Variants in NR3C1 observed in about 807,000 individuals in gnomAD.
The protein encoded by NR3C1 is glucocorticoid receptor.
NR3C1 carries 14 observed loss-of-function variants against 74.0 expected under a neutral mutation model. That is an observed-to-expected ratio of 0.19 (90% CI 0.12 to 0.30). The LOEUF is 0.30. Ranked by LOEUF, NR3C1 falls within the 10% of genes least tolerant of loss-of-function variation. NR3C1 has a pLI of 1.00. For missense variants in NR3C1, 695 were observed against 909.8 expected, an observed-to-expected ratio of 0.76 and a Z score of 3.04; for synonymous variants, 308 against 332.5, an observed-to-expected ratio of 0.93 and a Z score of 0.80.
chr5:143,311,886 C>T (rs1206175892), intron 3 of NR3C1, among the ~76,000 whole-genome samples: 1 of 151,096 alleles, frequency 6.6e-6, no homozygotes. Flanking sequence ...CCATCTTGGC[C>T]TCCCAAATTG....
upstream of NR3C1, chr5:143,404,506 C>G (rs1258265188): frequency 1.0e-5 from 10 of 978,508 alleles, no homozygotes; most frequent in East Asian, 4.6e-4. Flanking sequence ...CACCCTCCCC[C>G]GCGCCCCGAC....
chr5:143,435,141 G>A, exon 1 of NR3C1: 3 of 985,356 alleles, frequency 3.0e-6, no homozygotes, highest in Middle Eastern at 5.2e-4. Flanking sequence ...ATGAATGCGT[G>A]CATATTCACA....
At chr5:143,371,152 T>C (rs982895914) in intron 2 of NR3C1, among the ~76,000 whole-genome samples, 1 of 152,218 alleles carries the variant, frequency 6.6e-6, no homozygotes, top group African/African-American at 2.4e-5. Flanking sequence ...AAAAATAAAA[T>C]GTTTGCTTTT....
At chr5:143,416,053 A>G (rs1841464804) in intron 1 of NR3C1, among the ~76,000 whole-genome samples, 2 of 152,206 alleles carry the variant, frequency 1.3e-5, no homozygotes, top group South Asian at 4.1e-4. Context: ...ATGAACTGGG[A>G]AGGGATTATT....
Position 143,280,018 on chromosome 5 carries a change from A to C in NR3C1, c.*1871T>G, listed in dbSNP as rs1812862435. The C allele has an allele frequency of 6.6e-6, 1 of 152,550 alleles. No homozygotes were observed. Among genetic ancestry groups the C allele is most frequent in the African/African-American group, 2.4e-5 (1 of 41,442 alleles). The allele number at this position is 152,550 out of a possible 1,614,324, so 9.4% of individuals were successfully genotyped here. A position where few individuals can be genotyped will look rare whatever the true frequency, so the allele number is the denominator to read the frequency against. ...GGAGGCAGAGGATAACTTCCTCTGT[A>C]ATCTCACTGGGTCAGAGCCTCAGCA... is the stretch of plus-strand genomic sequence containing the variant. On this transcript the variant is annotated 3_prime_UTR_variant, in exon 9 of 9. Coordinates refer to ENST00000394464, the MANE Select transcript of NR3C1 (RefSeq NM_000176.3).
intron 2 of NR3C1, among the ~76,000 whole-genome samples, chr5:143,366,542 C>T (rs758312419): frequency 8.2e-5 from 12 of 146,024 alleles, no homozygotes; most frequent in Admixed American, 2.0e-4. Flanking sequence ...CCCCTGAAAA[C>T]GGACAAAACT....
intron 2 of NR3C1, among the ~76,000 whole-genome samples, chr5:143,373,228 A>G (rs1417941099): frequency 2.0e-5 from 3 of 151,694 alleles, no homozygotes; most frequent in South Asian, 2.1e-4. Flanking sequence ...TCCCTTGGGG[A>G]AAAAAAAACT....
chr5:143,348,123 T>C (rs1025583346), intron 2 of NR3C1, among the ~76,000 whole-genome samples: 2 of 152,192 alleles, frequency 1.3e-5, no homozygotes, highest in Non-Finnish European at 2.9e-5. Flanking sequence ...CCCACAGTTG[T>C]GATGGTGGAT....
intron 4 of NR3C1, among the ~76,000 whole-genome samples, chr5:143,306,775 T>C (rs1156557145): frequency 6.6e-6 from 1 of 152,142 alleles, no homozygotes; most frequent in Non-Finnish European, 1.5e-5. Context: ...AATGCCAATT[T>C]CTACACTAAC....
intron 1 of NR3C1, among the ~76,000 whole-genome samples, chr5:143,426,365 A>G (rs956956264): frequency 6.6e-5 from 10 of 152,234 alleles, no homozygotes; most frequent in African/African-American, 1.9e-4. Flanking sequence ...TTAAAATGGT[A>G]AAGTTTATGT....
intron 2 of NR3C1, among the ~76,000 whole-genome samples, chr5:143,366,884 C>A (rs1362899816): frequency 2.0e-5 from 3 of 152,114 alleles, no homozygotes; most frequent in Non-Finnish European, 4.4e-5. Context: ...AGAACAATTA[C>A]CAACAATCCT....
Position 143,400,690 on chromosome 5 carries a change from G to C in NR3C1, c.150C>G (p.Val50=). ...KVSASSPSLA[V]ASQSDSKQRR... is the part of the protein sequence containing the mutation. ...GCTGCTTGGAGTCTGATTGAGAAGCGACAGCCAGTGAGGGTGAAGACGCAG... is the reference window on the plus strand; with the variant it reads ...GCTGCTTGGAGTCTGATTGAGAAGCCACAGCCAGTGAGGGTGAAGACGCAG... The change falls in exon 2 of 9, where the codon GTC becomes GTG. Residue 50 remains valine (V), a synonymous_variant. Coordinates refer to ENST00000394464, the MANE Select transcript of NR3C1 (RefSeq NM_000176.3). The C allele has an allele frequency of 6.2e-7, 1 of 1,614,048 alleles. No individual in the cohort carries two copies. The highest frequency in any genetic ancestry group is 8.5e-7 in the Non-Finnish European group (1 of 1,179,926).
Position 143,285,153 on chromosome 5 carries a change from C to T in NR3C1, c.2024-2428G>A, listed in dbSNP as rs970745550. Among the ~76,000 whole-genome samples the T allele has an allele frequency of 2.6e-5, 4 of 151,986 alleles. No homozygotes were observed. The South Asian group carries it at 6.2e-4, about 24-fold the overall frequency. The stretch of plus-strand genomic sequence containing the variant: ...GGCCTCCAGAAATCTGTACAGTCTT[C>T]GGCTGAATAAAAATTTGTGCATACT... On this transcript the variant is annotated intron_variant, in intron 7 of 8. Transcript: ENST00000394464.
In NR3C1 at chr5:143,300,662, T is replaced by C. The variant is rs567965061; in HGVS notation, c.1570A>G (p.Thr524Ala). 508 of 1,614,208 alleles carry C rather than the reference T, an allele frequency of 3.1e-4. 6 individuals are homozygous for C. In the South Asian group the frequency reaches 5.1e-3, roughly 16 times the overall value. The change falls in exon 5 of 9, where the codon ACG (threonine) becomes GCG (alanine). Residue 524 changes from threonine (T) to alanine (A), a missense_variant. Physicochemically the swap from Thr to Ala is moderately conservative, Grantham distance 58 (BLOSUM62 0). This residue lies in a region of NR3C1 where 42 missense variants were observed against 49.3 expected (regional missense o/e 0.85). Transcript: ENST00000394464. This position sits in a 1 kb window ranked among gnomAD's most constrained non-coding sequence, Gnocchi z 5.2. ...AGGGTAGGGGTGAGTTGTGGTAACG[T>C]TGCAGGAACTATTGTTTTGTTACCA... is the stretch of plus-strand genomic sequence containing the variant. Reference protein sequence around the residue: ...NPGNKTIVPATLPQLTPTLVS... With the variant: ...NPGNKTIVPAALPQLTPTLVS...
At chr5:143,374,721 A>C (rs1033763456) in intron 2 of NR3C1, among the ~76,000 whole-genome samples, 6 of 152,184 alleles carry the variant, frequency 3.9e-5, no homozygotes, top group African/African-American at 2.4e-5. Context: ...AAGACACTAG[A>C]TTCAACACTT....
chr5:143,392,697 T>C (rs750770206), intron 2 of NR3C1, among the ~76,000 whole-genome samples: 4 of 152,152 alleles, frequency 2.6e-5, no homozygotes, highest in Non-Finnish European at 4.4e-5. Flanking sequence ...GCAAAGTGCT[T>C]AGCATAGTGC....
chr5:143,393,390 G>GTC (rs1399694189), intron 2 of NR3C1, among the ~76,000 whole-genome samples: 4 of 152,130 alleles, frequency 2.6e-5, no homozygotes, highest in African/African-American at 4.8e-5. Flanking sequence ...AAACACAGTT[G>GTC]TAAAGAAAGT....
chr5:143,374,907 C>T (rs1040692218), intron 2 of NR3C1, among the ~76,000 whole-genome samples: 5 of 152,156 alleles, frequency 3.3e-5, no homozygotes, highest in South Asian at 4.1e-4. Flanking sequence ...TCATACTCTA[C>T]TGATTTTCTA....
chr5:143,414,290 G>C (rs1039191757), intron 1 of NR3C1, among the ~76,000 whole-genome samples: 1 of 152,120 alleles, frequency 6.6e-6, no homozygotes, highest in Non-Finnish European at 1.5e-5. Flanking sequence ...CAATATGATG[G>C]GTATAGGCGG....
Sources: allele counts gnomAD v4.1 joint callset (sites outside exome capture counted in the v4.1 genomes callset), GRCh38; gene constraint gnomAD v4.1.1; regional missense constraint gnomAD v4.1.1; non-coding constraint Gnocchi (gnomAD v3.1); transcripts MANE v1.5; gene names NCBI Gene and HGNC (gene_info 2026-07-23, HGNC 2026-07-21).